Variants in NAV3 observed in about 807,000 individuals in gnomAD.
NAV3 encodes the protein pore membrane and/or filament interacting like protein 1.
Under a neutral mutation model 244.7 loss-of-function variants are expected in NAV3, and 87 were observed. The observed-to-expected ratio is 0.36, with a 90% CI of 0.30 to 0.42. NAV3 has a LOEUF of 0.42. Among genes scored for constraint, NAV3 ranks in the 20% least tolerant of loss-of-function variants. The pLI, the probability that NAV3 is intolerant of heterozygous loss-of-function variation, is 1.00. For missense variants in NAV3, 2,663 were observed against 2,893.3 expected (o/e 0.92, Z 1.83); for synonymous variants, 1,126 against 1,042.2 (o/e 1.08, Z -1.55).
At chr12:78,049,385 G>A (rs1246096617) in intron 9 of NAV3, among the ~76,000 whole-genome samples, 1 of 152,172 alleles carries the variant, frequency 6.6e-6, no homozygotes, top group Non-Finnish European at 1.5e-5. Context: ...GAAGACTGTG[G>A]GAAAAGCATA....
chr12:77,917,667 A>T (rs1243609701), intron 1 of NAV3, among the ~76,000 whole-genome samples: 1 of 151,960 alleles, frequency 6.6e-6, no homozygotes, highest in Non-Finnish European at 1.5e-5. Context: ...TGGAGCTATG[A>T]ATGGAACTAA....
intron 2 of NAV3, among the ~76,000 whole-genome samples, chr12:77,654,330 G>A (rs1042497318): frequency 2.0e-5 from 3 of 152,242 alleles, no homozygotes; most frequent in African/African-American, 4.8e-5. Flanking sequence ...AGGGTCCTAC[G>A]CCTACGGAGT....
intron 1 of NAV3, among the ~76,000 whole-genome samples, chr12:77,858,823 G>A (rs1159633747): frequency 6.6e-6 from 1 of 151,984 alleles, no homozygotes; most frequent in African/African-American, 2.4e-5. Context: ...TCTACCAAAA[G>A]CCCAAGCCAA....
chr12:77,609,422 CT>C lies in NAV3; in HGVS notation c.72+37160del, dbSNP rs917576407. 3.9e-5 allele frequency among the ~76,000 whole-genome samples: 6 copies of C among 152,058 alleles called. No homozygotes were observed. In the East Asian group the frequency reaches 1.2e-3, roughly 29 times the overall value. On this transcript the variant is annotated intron_variant, in intron 2 of 8. Coordinates refer to the NAV3 transcript ENST00000550042. ...ACATCAAATGTGGAACGGAAAATTT[CT>C]TTTATTCCTTCTAGTTGATTCTGAT...
At chr12:77,723,243 A>G (rs547428592) in intron 2 of NAV3, among the ~76,000 whole-genome samples, 3 of 148,374 alleles carry the variant, frequency 2.0e-5, no homozygotes, top group South Asian at 4.6e-4. Context: ...TAAGCCCTAC[A>G]TTTTACAGAA....
chr12:78,128,945 A>C, intron 18 of NAV3, 79 bp downstream of exon 18: 2 of 1,341,994 alleles, frequency 1.5e-6, no homozygotes, highest in Non-Finnish European at 2.1e-6. Flanking sequence ...TCTCTCCATA[A>C]CACAACACGT....
intron 22 of NAV3, among the ~76,000 whole-genome samples, chr12:78,158,830 G>C (rs969828161): frequency 2.0e-5 from 3 of 152,168 alleles, no homozygotes; most frequent in African/African-American, 7.2e-5. Flanking sequence ...GACCATTTCA[G>C]TGACCTCTTT....
intron 22 of NAV3, among the ~76,000 whole-genome samples, chr12:78,157,550 C>G (rs528465017): frequency 1.3e-5 from 2 of 151,874 alleles, no homozygotes; most frequent in Non-Finnish European, 2.9e-5. Context: ...GGCAGCAAGA[C>G]ACTGAGTAAA....
chr12:77,792,400 G>A (rs566977371), intron 2 of NAV3, among the ~76,000 whole-genome samples: 1 of 152,280 alleles, frequency 6.6e-6, no homozygotes, highest in Admixed American at 6.5e-5. Context: ...CAAATATCAG[G>A]TAGTTCTAAG....
chr12:77,704,639 A>G (rs922204296), intron 2 of NAV3, among the ~76,000 whole-genome samples: 3 of 152,168 alleles, frequency 2.0e-5, no homozygotes, highest in African/African-American at 7.2e-5. Context: ...GGAAATAATA[A>G]TTTAAAAAGC....
chr12:78,147,666 G>A (rs1956918670), intron 21 of NAV3, among the ~76,000 whole-genome samples: 1 of 150,348 alleles, frequency 6.7e-6, no homozygotes, highest in South Asian at 2.1e-4. Flanking sequence ...AATTATATAA[G>A]TGTCTACTGT....
chr12:77,588,929 G>A lies in NAV3; in HGVS notation c.72+16663G>A, dbSNP rs536601425. Among the ~76,000 whole-genome samples the A allele has an allele frequency of 2.3e-4, 35 of 152,268 alleles. No individual in the cohort carries two copies. The South Asian group carries it at 6.6e-3, about 29-fold the overall frequency. On this transcript the variant is annotated intron_variant, in intron 2 of 8. Transcript: ENST00000550042. The stretch of plus-strand genomic sequence containing the variant: ...GCATACTGAGCACTAGGGAATGAAG[G>A]CAGTGGTCTGAATGTTAGGACTGGA...
chr12:78,078,448 T>G (rs564856754), intron 12 of NAV3, among the ~76,000 whole-genome samples: 2 of 123,230 alleles, frequency 1.6e-5, no homozygotes, highest in African/African-American at 3.1e-5. Flanking sequence ...CAGGCTGGAG[T>G]GCAGTGGCGG....
In NAV3 at chr12:77,796,056, T is replaced by A. The variant is rs529478796; in HGVS notation, c.73-144263T>A. Among the ~76,000 whole-genome samples the A allele has an allele frequency of 1.1e-4, 17 of 152,316 alleles. No individual in the cohort carries two copies. The South Asian group carries it at 3.3e-3, about 30-fold the overall frequency. ...CAAGATCAAGTAGTAATTTTGACTT[T>A]CAAGTTTTATTGTTTAAGAAATACA... On this transcript the variant is annotated intron_variant, in intron 2 of 8. Coordinates refer to the NAV3 transcript ENST00000550042.
rs57960610 is a variant in NAV3, at chr12:77,703,610, A to G, written c.72+131344A>G. Among the ~76,000 whole-genome samples the G allele has an allele frequency of 1.1e-3, 164 of 152,300 alleles. 1 individual carries two copies. The highest frequency in any genetic ancestry group is 3.5e-3 in the African/African-American group (146 of 41,582). ...TAAGAAACTGCCTAAATTTTACAAA[A>G]TAGTTATAACATTTTCCATTTTCAC... is the stretch of plus-strand genomic sequence containing the variant. On this transcript the variant is annotated intron_variant, in intron 2 of 8. Coordinates refer to the NAV3 transcript ENST00000550042.
chr12:77,754,397 A>G (rs749840052), intron 2 of NAV3, among the ~76,000 whole-genome samples: 3 of 152,132 alleles, frequency 2.0e-5, no homozygotes, highest in Non-Finnish European at 4.4e-5. Context: ...CTACACTCCA[A>G]CACAAGCTAT....
chr12:77,967,660 C>T (rs2137971068), intron 4 of NAV3, among the ~76,000 whole-genome samples: 1 of 152,130 alleles, frequency 6.6e-6, no homozygotes, highest in East Asian at 1.9e-4. Flanking sequence ...TCAAGCTTTA[C>T]ATCCTTCTCT....
intron 2 of NAV3, among the ~76,000 whole-genome samples, chr12:77,741,167 G>GAAAAAAAAAAAA (rs1868327621): frequency 1.3e-5 from 1 of 76,068 alleles, no homozygotes; most frequent in South Asian, 4.6e-4. Context: ...AAAAAAAAAA[G>GAAAAAAAAAAAA]AAAAGAAAGA....
At chr12:77,786,503 A>G (rs1870911417) in intron 2 of NAV3, among the ~76,000 whole-genome samples, 1 of 152,150 alleles carries the variant, frequency 6.6e-6, no homozygotes, top group African/African-American at 2.4e-5. Context: ...TTCTATTTCA[A>G]GGTAAAGTGA....
Sources: gnomAD v4.1 joint callset for allele counts (sites outside exome capture counted in the v4.1 genomes callset) on GRCh38, gnomAD v4.1.1 for gene constraint, MANE v1.5 for transcripts, NCBI Gene and HGNC (gene_info 2026-07-23, HGNC 2026-07-21) for gene names.